The following TBC1D1 variants were observed in gnomAD, a reference collection of about 807,000 sequenced individuals.
The protein encoded by TBC1D1 is TBC1 (tre-2/USP6, BUB2, cdc16) domain family, member 1.
TBC1D1 carries 89 observed loss-of-function variants against 125.6 expected under a neutral mutation model. The ratio of observed to expected loss-of-function variants is 0.71; its 90% confidence interval spans 0.60 to 0.85. The LOEUF (loss-of-function observed/expected upper bound fraction) is 0.85. Ranked by LOEUF, TBC1D1 falls within the 40% of genes least tolerant of loss-of-function variation. The pLI, the probability that TBC1D1 is intolerant of heterozygous loss-of-function variation, is 0.00. For missense variants in TBC1D1, 1,377 were observed against 1,469.2 expected, an observed-to-expected ratio of 0.94 and a Z score of 1.03; for synonymous variants, 565 against 564.1, an observed-to-expected ratio of 1.00 and a Z score of -0.02.
In TBC1D1 at chr4:37,984,690, A is replaced by G. The variant is rs542696163; in HGVS notation, c.418-29819A>G. The stretch of plus-strand genomic sequence containing the variant: ...AAAACCCTATCTCTAGAAAAATACA[A>G]AAATTAGCTGGGTGTGGTGGCGTGT... On this transcript the variant is annotated intron_variant, in intron 2 of 19. Transcript: ENST00000261439. Among the ~76,000 whole-genome samples the G allele has an allele frequency of 2.0e-5, 3 of 152,006 alleles. No homozygotes were observed. In the South Asian group the frequency reaches 6.3e-4, roughly 32 times the overall value.
chr4:38,027,747 T>C (rs1211201052), intron 6 of TBC1D1, 41 bp from the exon 7 acceptor site: 1 of 1,438,584 alleles, frequency 7.0e-7, no homozygotes. Flanking sequence ...TCACAACTTT[T>C]ATATAGAATT....
chr4:37,973,756 G>A (rs1270928264), intron 2 of TBC1D1, among the ~76,000 whole-genome samples: 1 of 152,144 alleles, frequency 6.6e-6, no homozygotes, highest in African/African-American at 2.4e-5. Context: ...GGACAGTTTT[G>A]GCTGCTTTCT....
intron 2 of TBC1D1, among the ~76,000 whole-genome samples, chr4:37,968,912 A>C (rs1731543584): frequency 6.6e-6 from 1 of 152,152 alleles, no homozygotes; most frequent in Non-Finnish European, 1.5e-5. Context: ...GCTTGTGTGT[A>C]CCAAGTCTCT....
At chr4:38,078,671 G>T (rs112366881) in intron 12 of TBC1D1, among the ~76,000 whole-genome samples, 20 of 152,332 alleles carry the variant, frequency 1.3e-4, no homozygotes, top group African/African-American at 3.6e-4. Context: ...AAGTCAGGAA[G>T]AGAGAGGGCT....
intron 2 of TBC1D1, among the ~76,000 whole-genome samples, chr4:37,993,808 C>T (rs376427006): frequency 7.9e-5 from 12 of 152,324 alleles, no homozygotes; most frequent in African/African-American, 2.4e-4. Context: ...TCTCGAACTC[C>T]GGACCTCAAG....
intron 2 of TBC1D1, among the ~76,000 whole-genome samples, chr4:37,967,786 T>G (rs1157734563): frequency 1.3e-5 from 2 of 152,212 alleles, no homozygotes; most frequent in African/African-American, 4.8e-5. Context: ...ATGTTTCCAC[T>G]ATGAATTATA....
At chr4:37,892,321 C>T (rs966775684) in intron 1 of TBC1D1, among the ~76,000 whole-genome samples, 11 of 152,104 alleles carry the variant, frequency 7.2e-5, no homozygotes, top group African/African-American at 2.4e-4. Context: ...GAGGCTGAGG[C>T]AGGAGGATCA....
intron 8 of TBC1D1, 65 bp downstream of exon 8, chr4:38,035,763 T>G: frequency 8.2e-7 from 1 of 1,222,422 alleles, no homozygotes. Flanking sequence ...TAAACAACGT[T>G]TTGAGGATTT....
intron 12 of TBC1D1, among the ~76,000 whole-genome samples, chr4:38,066,319 T>A (rs1324067313): frequency 2.0e-5 from 3 of 151,528 alleles, no homozygotes; most frequent in Non-Finnish European, 4.4e-5. Context: ...GTGGTTTATG[T>A]TATTTATATT....
At chr4:38,118,654 C>G (rs188989256) in intron 17 of TBC1D1, 180 of 154,746 alleles carry the variant, frequency 1.2e-3, no homozygotes, top group Non-Finnish European at 2.1e-3. Flanking sequence ...TACACTTTCT[C>G]CCAAGTCACT....
At chr4:37,905,281 C>A (rs1045557588) in intron 2 of TBC1D1, among the ~76,000 whole-genome samples, 2 of 152,154 alleles carry the variant, frequency 1.3e-5, no homozygotes, top group African/African-American at 4.8e-5. Flanking sequence ...TCAAGATAAA[C>A]TTTATCAAGT....
At chr4:37,894,302 T>C (rs112395079) in intron 1 of TBC1D1, among the ~76,000 whole-genome samples, 8 of 152,286 alleles carry the variant, frequency 5.3e-5, no homozygotes, top group African/African-American at 1.7e-4. Flanking sequence ...TTGACATTTC[T>C]AAGCCAAAAG....
In TBC1D1 at chr4:38,133,211, A is replaced by G. The variant is rs758301909; in HGVS notation, c.3260A>G (p.Asn1087Ser). The G allele has an allele frequency of 1.9e-6, 3 of 1,614,138 alleles. No individual in the cohort carries two copies. Among genetic ancestry groups the G allele is most frequent in the African/African-American group, 1.3e-5 (1 of 74,950 alleles). The change falls in exon 19 of 20, where the codon AAC becomes AGC. Residue 1087 changes from asparagine (N) to serine (S), a missense_variant. Coordinates refer to ENST00000261439, the MANE Select transcript of TBC1D1 (RefSeq NM_015173.4). ...AGAATGGATAAATTAGAGAAAACCA[A>G]CAGCAGCTTACGCAAACAGAACCTT...
intron 2 of TBC1D1, among the ~76,000 whole-genome samples, chr4:37,956,000 C>A (rs1391225334): frequency 1.3e-5 from 2 of 150,814 alleles, no homozygotes; most frequent in African/African-American, 4.9e-5. Flanking sequence ...AAATATCTTC[C>A]CCCAAAATAC....
chr4:38,067,324 C>A (rs1192755901), intron 12 of TBC1D1, among the ~76,000 whole-genome samples: 2 of 152,130 alleles, frequency 1.3e-5, no homozygotes, highest in African/African-American at 2.4e-5. Flanking sequence ...GGTTTGTTTC[C>A]TGTTCAGGTG....
chr4:37,900,813 T>TATA (rs1447677780), intron 1 of TBC1D1, among the ~76,000 whole-genome samples: 2 of 152,206 alleles, frequency 1.3e-5, no homozygotes, highest in African/African-American at 4.8e-5. Flanking sequence ...GGCTCATGCC[T>TATA]ATAATCCCAG....
chr4:37,977,357 C>T lies in TBC1D1; in HGVS notation c.418-37152C>T, dbSNP rs1733363211. 1 of 201,188 alleles carries T rather than the reference C, an allele frequency of 5.0e-6. No homozygotes were observed. The highest frequency in any genetic ancestry group is 8.6e-6 in the Non-Finnish European group (1 of 116,140). 12.5% of individuals were successfully genotyped at this position (201,188 alleles called of 1,614,324 possible). A position where few individuals can be genotyped will look rare whatever the true frequency, so the allele number is the denominator to read the frequency against. ...GGGCAGTGACGAACTGGGTGGAGCC[C>T]GCCGCCGCCGCCGCCGCCGCCGGGG... On this transcript the variant is annotated intron_variant, in intron 2 of 19. Transcript: ENST00000261439. The surrounding 1 kb of genome is among the most constrained non-coding windows in gnomAD (Gnocchi z 4.3).
At chr4:37,998,661 C>T (rs553754198) in intron 2 of TBC1D1, among the ~76,000 whole-genome samples, 1 of 152,298 alleles carries the variant, frequency 6.6e-6, no homozygotes. Flanking sequence ...ACTCTTCAGC[C>T]CAGCGCACAG....
At chr4:38,005,559 GA>G (rs908842575) in intron 2 of TBC1D1, among the ~76,000 whole-genome samples, 1 of 152,190 alleles carries the variant, frequency 6.6e-6, no homozygotes, top group Non-Finnish European at 1.5e-5. Context: ...CCTCCTGGGG[GA>G]TATCTCTGTT....
Sources: gnomAD v4.1 joint callset for allele counts (sites outside exome capture counted in the v4.1 genomes callset) on GRCh38, gnomAD v4.1.1 for gene constraint, Gnocchi (gnomAD v3.1) non-coding constraint, MANE v1.5 for transcripts, NCBI Gene and HGNC (gene_info 2026-07-23, HGNC 2026-07-21) for gene names.